The following GNA13 variants were observed in gnomAD, a reference collection of about 807,000 sequenced individuals.
The protein encoded by GNA13 is guanine nucleotide-binding protein subunit alpha-13.
In GNA13, 4 loss-of-function variants were observed where a neutral mutation model predicts 33.5. That is an observed-to-expected ratio of 0.12 (90% confidence interval 0.06 to 0.27). The LOEUF (loss-of-function observed/expected upper bound fraction) is 0.27, where lower values mean the gene tolerates loss of function less well. GNA13 is among the 10% of genes least tolerant of loss of function. GNA13 has a pLI of 1.00. For synonymous variants in GNA13, 176 were observed against 183.8 expected, an observed-to-expected ratio of 0.96 and a Z score of 0.34; for missense variants, 319 against 487.2, an observed-to-expected ratio of 0.65 and a Z score of 3.25.
intron 2 of GNA13, among the ~76,000 whole-genome samples, chr17:65,042,790 G>C (rs866326668): frequency 6.6e-6 from 1 of 152,044 alleles, no homozygotes; most frequent in South Asian, 2.1e-4. Context: ...TTCAACATGT[G>C]GTCCTAGAGA....
intron 2 of GNA13, among the ~76,000 whole-genome samples, chr17:65,028,677 A>G (rs1906892629): frequency 2.0e-5 from 3 of 152,298 alleles, no homozygotes; most frequent in Middle Eastern, 3.4e-3. Flanking sequence ...CACTAGGATG[A>G]TAGCGCCACA....
chr17:65,029,630 C>T (rs1567821126), intron 2 of GNA13, among the ~76,000 whole-genome samples: 2 of 151,928 alleles, frequency 1.3e-5, no homozygotes, highest in Non-Finnish European at 2.9e-5. Context: ...ACGGTTTATA[C>T]CACTCATGGC....
intron 2 of GNA13, among the ~76,000 whole-genome samples, chr17:65,040,461 A>G (rs1017425654): frequency 3.3e-5 from 5 of 152,196 alleles, no homozygotes; most frequent in African/African-American, 9.6e-5. Flanking sequence ...AAAATTTGCA[A>G]TTAGGATAAA....
chr17:65,031,888 GAGAGAGAA>G (rs1359910032), intron 2 of GNA13, among the ~76,000 whole-genome samples: 6 of 107,088 alleles, frequency 5.6e-5, no homozygotes, highest in South Asian at 3.4e-4. Flanking sequence ...GAGAGAGAGA[GAGAGAGAA>G]AGAGAGAGAG....
intron 2 of GNA13, among the ~76,000 whole-genome samples, chr17:65,050,571 T>A (rs1228232342): frequency 5.3e-5 from 8 of 151,742 alleles, no homozygotes; most frequent in African/African-American, 1.5e-4. Context: ...TCTACAAAAA[T>A]TTTTTTTTAA....
intron 2 of GNA13, among the ~76,000 whole-genome samples, chr17:65,044,347 A>G (rs552855834): frequency 6.6e-6 from 1 of 152,346 alleles, no homozygotes; most frequent in Admixed American, 6.5e-5. Flanking sequence ...TTTTGAATAA[A>G]AGGCATCTTG....
At chr17:65,042,073 A>G (rs1367398439) in intron 2 of GNA13, among the ~76,000 whole-genome samples, 1 of 152,108 alleles carries the variant, frequency 6.6e-6, no homozygotes, top group African/African-American at 2.4e-5. Flanking sequence ...AAAAATGAAG[A>G]ACCAGCCAGC....
At chr17:65,035,211 T>TACCA (rs1447031861) in intron 2 of GNA13, among the ~76,000 whole-genome samples, 7 of 152,218 alleles carry the variant, frequency 4.6e-5, no homozygotes, top group African/African-American at 1.7e-4. Flanking sequence ...TGTTCCATGT[T>TACCA]ACCATTTAGC....
chr17:65,051,922 C>A (rs1464436282), intron 2 of GNA13: 1 of 152,176 alleles, frequency 6.6e-6, no homozygotes, highest in Non-Finnish European at 1.5e-5. Context: ...GGTAAATAAT[C>A]AAATGCTAGT....
At chr17:65,021,756 A>G (rs1377744296) in intron 2 of GNA13, among the ~76,000 whole-genome samples, 5 of 152,260 alleles carry the variant, frequency 3.3e-5, no homozygotes, top group Admixed American at 6.5e-5. Context: ...GGTAAAGAGT[A>G]GAGTTTTTTA....
Position 65,012,057 on chromosome 17 carries a change from T to G in GNA13, c.*2200A>C, listed in dbSNP as rs1340246976. On this transcript the variant is annotated 3_prime_UTR_variant, in exon 4 of 4. Coordinates refer to ENST00000439174, the MANE Select transcript of GNA13 (RefSeq NM_006572.6). ...TTAAAAGAATGTTGATTCTGAGACA[T>G]TACATGCAGCAGGGAAGAAAACTGC... The G allele has an allele frequency of 1.7e-5, 4 of 228,820 alleles. No homozygotes were observed. The highest frequency in any genetic ancestry group is 8.9e-5 in the African/African-American group (4 of 45,066). 14.2% of individuals were successfully genotyped at this position (228,820 alleles called of 1,614,324 possible). A position where few individuals can be genotyped will look rare whatever the true frequency, so the allele number is the denominator to read the frequency against.
rs145585104 is a variant in GNA13 at position 65,029,915 on chromosome 17, T to C, written c.511-11612A>G. Among the ~76,000 whole-genome samples, 6 of 152,308 alleles carry C rather than the reference T, an allele frequency of 3.9e-5. No homozygotes were observed. In the East Asian group the frequency reaches 1.2e-3, roughly 29 times the overall value. ...TTTCTGCCACTAAATTCCACTTGTT[T>C]ATAAATGTAAATGCTAAAGACAGAA... On this transcript the variant is annotated intron_variant, in intron 2 of 3. Transcript: ENST00000439174.
chr17:65,017,150 GA>G lies in GNA13; in HGVS notation c.561+1102del, dbSNP rs1189631081. Reference sequence around the variant, plus strand: ...ATACTTAACACCCGACTGCTTTCTAGAAGGCAATACCAATTTACAACATACA... The same window carrying G: ...ATACTTAACACCCGACTGCTTTCTAGAGGCAATACCAATTTACAACATACA... On this transcript the variant is annotated intron_variant, in intron 3 of 3. Coordinates refer to ENST00000439174, the MANE Select transcript of GNA13 (RefSeq NM_006572.6). 2.6e-5 allele frequency among the ~76,000 whole-genome samples: 4 copies of G among 152,192 alleles called. No individual in the cohort carries two copies. In the South Asian group the frequency reaches 8.3e-4, roughly 32 times the overall value.
chr17:65,056,596 TGCCGCCGCC>T lies in GNA13; in HGVS notation c.-12_-4del, dbSNP rs3830470. ...CGCGACGGCAGGAAGTCCGCCATCT[TGCCGCCGCC>T]GCCGCCGCCTCGGCGGGCCCCTCCG... On this transcript the variant is annotated 5_prime_UTR_variant, in exon 1 of 4. Coordinates refer to ENST00000439174, the MANE Select transcript of GNA13 (RefSeq NM_006572.6). 7 of 1,592,506 alleles carry T rather than the reference TGCCGCCGCC, an allele frequency of 4.4e-6. No homozygotes were observed. Among genetic ancestry groups the T allele is most frequent in the Admixed American group, 1.7e-5 (1 of 59,008 alleles).
chr17:65,030,866 C>G (rs1203854544), intron 2 of GNA13, among the ~76,000 whole-genome samples: 1 of 152,098 alleles, frequency 6.6e-6, no homozygotes, highest in Non-Finnish European at 1.5e-5. Flanking sequence ...AAAAAGTACC[C>G]AATTTTTATG....
At chr17:65,016,157 C>T (rs1266422316) in intron 3 of GNA13, among the ~76,000 whole-genome samples, 1 of 152,186 alleles carries the variant, frequency 6.6e-6, no homozygotes, top group Non-Finnish European at 1.5e-5. Flanking sequence ...AAAACTACAA[C>T]ACAACTTTCT....
intron 2 of GNA13, among the ~76,000 whole-genome samples, chr17:65,043,915 A>G (rs1224417944): frequency 6.6e-6 from 1 of 152,102 alleles, no homozygotes; most frequent in Non-Finnish European, 1.5e-5. Flanking sequence ...TGAGGCCAAG[A>G]GTTCAAGGCC....
intron 2 of GNA13, among the ~76,000 whole-genome samples, chr17:65,031,944 G>A (rs946380577): frequency 1.6e-3 from 237 of 146,578 alleles, no homozygotes; most frequent in African/African-American, 6.4e-3. Flanking sequence ...GTGTGTGTGT[G>A]TGTGTGTGTG....
intron 2 of GNA13, among the ~76,000 whole-genome samples, chr17:65,043,812 C>T (rs946619428): frequency 1.3e-5 from 2 of 152,072 alleles, no homozygotes; most frequent in African/African-American, 4.8e-5. Context: ...AAAAGTTTAC[C>T]CACCGCATGG....
Sources: allele counts gnomAD v4.1 joint callset (sites outside exome capture counted in the v4.1 genomes callset), GRCh38; gene constraint gnomAD v4.1.1; transcripts MANE v1.5; gene names NCBI Gene and HGNC (gene_info 2026-07-23, HGNC 2026-07-21).